The following UNC5D variants were observed in gnomAD, a reference collection of about 807,000 sequenced individuals.
UNC5D encodes the protein netrin receptor UNC5D.
A neutral mutation model predicts 105.4 loss-of-function variants in UNC5D; 39 were observed. The ratio of observed to expected loss-of-function variants is 0.37; its 90% CI spans 0.29 to 0.48. The LOEUF is 0.48. Ranked by LOEUF, UNC5D falls within the 20% of genes least tolerant of loss-of-function variation. The pLI is 0.98. For missense variants in UNC5D, 991 were observed against 1,202.4 expected (o/e 0.82, Z 2.60); for synonymous variants, 452 against 450.4 (o/e 1.00, Z -0.04).
intron 5 of UNC5D, 78 bp downstream of exon 5, chr8:35,683,805 C>G (rs1357265405): frequency 7.5e-7 from 1 of 1,339,194 alleles, no homozygotes; most frequent in Non-Finnish European, 9.6e-7. Context: ...TTAAAACTTT[C>G]AATGTCGAGA....
At chr8:35,730,694 G>A (rs748914895) in intron 10 of UNC5D, among the ~76,000 whole-genome samples, 1 of 151,826 alleles carries the variant, frequency 6.6e-6, no homozygotes, top group Non-Finnish European at 1.5e-5. Context: ...ATAAACTCTT[G>A]CATTCTCAGA....
intron 4 of UNC5D, among the ~76,000 whole-genome samples, chr8:35,655,642 C>A (rs1823679159): frequency 6.6e-6 from 1 of 152,102 alleles, no homozygotes; most frequent in Admixed American, 6.5e-5. Context: ...AAAAGTAGTT[C>A]ATAATATAAG....
intron 1 of UNC5D, among the ~76,000 whole-genome samples, chr8:35,443,743 G>A (rs1171559480): frequency 1.3e-5 from 2 of 152,012 alleles, no homozygotes; most frequent in East Asian, 1.9e-4. Context: ...TTTTATTGAG[G>A]TCTGATCATT....
At chr8:35,247,514 C>T (rs542466495) in intron 1 of UNC5D, among the ~76,000 whole-genome samples, 3 of 123,562 alleles carry the variant, frequency 2.4e-5, no homozygotes, top group African/African-American at 3.2e-5. Flanking sequence ...AATAACTTCT[C>T]TCTCTCTCTA....
intron 10 of UNC5D, among the ~76,000 whole-genome samples, chr8:35,728,095 A>ATATATATATATAT (rs1554596594): frequency 9.1e-6 from 1 of 110,358 alleles, no homozygotes; most frequent in African/African-American, 5.5e-5. Context: ...AAAAAAAAAA[A>ATATATATATATAT]ATATATATAT....
At chr8:35,461,471 C>A (rs1295956558) in intron 1 of UNC5D, among the ~76,000 whole-genome samples, 2 of 152,102 alleles carry the variant, frequency 1.3e-5, no homozygotes, top group Non-Finnish European at 2.9e-5. Context: ...CCATTCATCA[C>A]CTGGAGAGGG....
intron 1 of UNC5D, among the ~76,000 whole-genome samples, chr8:35,312,419 G>T (rs1185380325): frequency 6.6e-6 from 1 of 152,126 alleles, no homozygotes; most frequent in Non-Finnish European, 1.5e-5. Context: ...TCTCCTTGAT[G>T]ACTTTAAAGT....
chr8:35,417,873 A>G (rs1464853156), intron 1 of UNC5D, among the ~76,000 whole-genome samples: 3 of 152,194 alleles, frequency 2.0e-5, no homozygotes, highest in Non-Finnish European at 4.4e-5. Context: ...CACATATGTA[A>G]CAGTATTAAA....
intron 1 of UNC5D, among the ~76,000 whole-genome samples, chr8:35,271,937 C>T (rs983105188): frequency 4.6e-5 from 7 of 151,866 alleles, no homozygotes; most frequent in Middle Eastern, 3.4e-3. Context: ...TTCATGTCAC[C>T]GCTGTAGATA....
rs562794715 is a variant in UNC5D, at chr8:35,337,363, C to A, written c.103+101476C>A. Among the ~76,000 whole-genome samples, 10 of 152,296 alleles carry A rather than the reference C, an allele frequency of 6.6e-5. No homozygotes were observed. In the East Asian group the frequency reaches 1.3e-3, roughly 21 times the overall value. On this transcript the variant is annotated intron_variant, in intron 1 of 16. Coordinates refer to ENST00000404895, the MANE Select transcript of UNC5D (RefSeq NM_080872.4). ...TTAGAGACAGAGGAAACTTACTTGG[C>A]AGTGTCTTACTTAGATCTTGCTTTT...
chr8:35,625,714 T>G (rs937507973), intron 4 of UNC5D, among the ~76,000 whole-genome samples: 1 of 152,210 alleles, frequency 6.6e-6, no homozygotes. Flanking sequence ...CACACTTAGT[T>G]ATAGATCTTG....
chr8:35,520,186 A>C (rs545550541), intron 1 of UNC5D, among the ~76,000 whole-genome samples: 5 of 152,144 alleles, frequency 3.3e-5, no homozygotes, highest in Non-Finnish European at 7.4e-5. Flanking sequence ...TGAATGAAAA[A>C]GCCAAGAGTA....
intron 1 of UNC5D, among the ~76,000 whole-genome samples, chr8:35,512,569 A>ATATCTCTC (rs539399345): frequency 5.1e-4 from 33 of 64,822 alleles, no homozygotes; most frequent in African/African-American, 2.5e-3. Context: ...ATATATATAT[A>ATATCTCTC]TCTGAATAGA....
rs547509706 is a variant in UNC5D, at chr8:35,429,624, C to CT, written c.104-119661dup. The stretch of plus-strand genomic sequence containing the variant: ...TTTCTCTACAAGGTATAAAATAACA[C>CT]TTTTTTTCCATTTTATCAATCTTAT... On this transcript the variant is annotated intron_variant, in intron 1 of 16. Coordinates refer to ENST00000404895, the MANE Select transcript of UNC5D (RefSeq NM_080872.4). Among the ~76,000 whole-genome samples, 332 of 152,174 alleles carry CT rather than the reference C, an allele frequency of 2.2e-3. 1 individual carries two copies. The highest frequency in any genetic ancestry group is 7.5e-3 in the African/African-American group (312 of 41,542).
intron 1 of UNC5D, among the ~76,000 whole-genome samples, chr8:35,337,567 T>C (rs1811137944): frequency 6.6e-6 from 1 of 152,200 alleles, no homozygotes; most frequent in Non-Finnish European, 1.5e-5. Context: ...TAAGGGAATA[T>C]GCCCCGATTT....
At chr8:35,639,898 A>T (rs112535772) in intron 4 of UNC5D, among the ~76,000 whole-genome samples, 5,327 of 150,830 alleles carry the variant, frequency 0.035, 111 homozygotes, top group Admixed American at 0.078. Context: ...TTTTTTTTTT[A>T]AATTTTTTGT....
At chr8:35,618,134 CAA>C (rs1020865266) in intron 4 of UNC5D, among the ~76,000 whole-genome samples, 2 of 152,102 alleles carry the variant, frequency 1.3e-5, no homozygotes, top group African/African-American at 4.8e-5. Flanking sequence ...TGCAGGGAAA[CAA>C]AAAACAGATC....
chr8:35,521,518 T>G (rs568954321), intron 1 of UNC5D, among the ~76,000 whole-genome samples: 166 of 152,278 alleles, frequency 1.1e-3, no homozygotes, highest in Non-Finnish European at 2.0e-3. Flanking sequence ...CATAGAAAGA[T>G]AATTGATTAA....
intron 1 of UNC5D, among the ~76,000 whole-genome samples, chr8:35,271,208 A>C (rs768009722): frequency 1.2e-3 from 178 of 148,348 alleles, no homozygotes; most frequent in Non-Finnish European, 1.9e-3. Context: ...TTTAAATATA[A>C]ATCTAAAAAA....
Sources: allele counts gnomAD v4.1 joint callset (sites outside exome capture counted in the v4.1 genomes callset), GRCh38; gene constraint gnomAD v4.1.1; transcripts MANE v1.5; gene names NCBI Gene and HGNC (gene_info 2026-07-23, HGNC 2026-07-21).